EPHA6: variants seen among roughly 807,000 people sequenced by gnomAD.
EPHA6 encodes EPH receptor A6.
A neutral mutation model predicts 112.0 loss-of-function variants in EPHA6; 50 were observed. That is an observed-to-expected ratio of 0.45 (90% CI 0.36 to 0.56). The LOEUF is 0.56. EPHA6 is among the 20% of genes least tolerant of loss of function. The pLI is 0.00. For missense variants in EPHA6, 1,280 were observed against 1,417.4 expected, an observed-to-expected ratio of 0.90 and a Z score of 1.56; for synonymous variants, 529 against 490.7, an observed-to-expected ratio of 1.08 and a Z score of -1.03.
rs111414618 is a variant in EPHA6, at chr3:97,170,840, T to C, written c.1115-55424T>C. Among the ~76,000 whole-genome samples, 378 of 152,298 alleles carry C rather than the reference T, an allele frequency of 2.5e-3. 2 individuals are homozygous for C. The highest frequency in any genetic ancestry group is 8.3e-3 in the African/African-American group (346 of 41,582). ...TATACATATGCACTCTTCATATTGA[T>C]ACACTTTTTCTTTTTTGAGAATACA... On this transcript the variant is annotated intron_variant, in intron 3 of 17. Coordinates refer to ENST00000389672, the MANE Select transcript of EPHA6 (RefSeq NM_001080448.3).
At chr3:97,077,728 C>CT (rs1324633332) in intron 3 of EPHA6, among the ~76,000 whole-genome samples, 1 of 152,076 alleles carries the variant, frequency 6.6e-6, no homozygotes, top group African/African-American at 2.4e-5. Context: ...TGAACTCATC[C>CT]TTTTTTATGG....
chr3:97,292,033 G>A (rs990286385), intron 5 of EPHA6, among the ~76,000 whole-genome samples: 4 of 152,216 alleles, frequency 2.6e-5, no homozygotes, highest in Non-Finnish European at 4.4e-5. Flanking sequence ...CAGCCGCTGC[G>A]CACAGCCAGG....
At chr3:97,469,943 T>C (rs1276065007) in intron 7 of EPHA6, among the ~76,000 whole-genome samples, 1 of 151,640 alleles carries the variant, frequency 6.6e-6, no homozygotes, top group Non-Finnish European at 1.5e-5. Flanking sequence ...AACTTGACTC[T>C]GGACTTGGAG....
rs116253716 is a variant in EPHA6 at position 97,727,206 on chromosome 3, C to T, written c.2934+6796C>T. ...TGTTTTTGTTTTCATTTATTTTTCC[C>T]TCCTTGCTTTTCAAATGCTTTTAAA... On this transcript the variant is annotated intron_variant, in intron 15 of 17. Transcript: ENST00000389672. Among the ~76,000 whole-genome samples the T allele has an allele frequency of 6.3e-3, 958 of 152,062 alleles. 10 individuals carry two copies. The highest frequency in any genetic ancestry group is 0.022 in the African/African-American group (919 of 41,502).
At chr3:96,888,150 G>T (rs988763011) in intron 2 of EPHA6, among the ~76,000 whole-genome samples, 2 of 152,080 alleles carry the variant, frequency 1.3e-5, no homozygotes, top group Non-Finnish European at 2.9e-5. Context: ...TTCAGCTAGC[G>T]TTTTCCTTCT....
intron 15 of EPHA6, among the ~76,000 whole-genome samples, chr3:97,721,185 G>A (rs2034511285): frequency 6.6e-6 from 1 of 152,124 alleles, no homozygotes; most frequent in Non-Finnish European, 1.5e-5. Flanking sequence ...CCTATAATGT[G>A]ATTCTGAATG....
chr3:96,983,148 C>T (rs929152264), intron 2 of EPHA6, among the ~76,000 whole-genome samples: 20 of 152,132 alleles, frequency 1.3e-4, no homozygotes, highest in African/African-American at 4.1e-4. Flanking sequence ...TTCCTAGCCT[C>T]GATGGTCTTT....
intron 3 of EPHA6, among the ~76,000 whole-genome samples, chr3:97,104,803 C>T (rs763110761): frequency 1.3e-5 from 2 of 151,996 alleles, no homozygotes; most frequent in Non-Finnish European, 2.9e-5. Flanking sequence ...CTAATTATTA[C>T]GAATTCAGTT....
intron 17 of EPHA6, among the ~76,000 whole-genome samples, chr3:97,748,141 T>A (rs748780686): frequency 6.6e-6 from 1 of 152,108 alleles, no homozygotes; most frequent in Non-Finnish European, 1.5e-5. Context: ...TTTCTAGATA[T>A]CAAAAATCCA....
At chr3:97,562,728 T>C (rs1326353693) in intron 11 of EPHA6, among the ~76,000 whole-genome samples, 1 of 152,190 alleles carries the variant, frequency 6.6e-6, no homozygotes, top group East Asian at 1.9e-4. Flanking sequence ...TCAAACAGCA[T>C]TGATGGTTCA....
At chr3:97,522,647 A>G (rs1003488164) in intron 10 of EPHA6, among the ~76,000 whole-genome samples, 14 of 152,156 alleles carry the variant, frequency 9.2e-5, no homozygotes, top group Non-Finnish European at 1.6e-4. Context: ...ATGTTAGATA[A>G]AATTCTGCTG....
chr3:97,041,498 T>A (rs1042895228), intron 3 of EPHA6, among the ~76,000 whole-genome samples: 1 of 152,120 alleles, frequency 6.6e-6, no homozygotes, highest in Non-Finnish European at 1.5e-5. Context: ...TGAAAGGGTG[T>A]CCTTTCTATG....
chr3:97,144,860 T>C (rs1335856356), intron 3 of EPHA6, among the ~76,000 whole-genome samples: 5 of 151,540 alleles, frequency 3.3e-5, no homozygotes, highest in Admixed American at 1.3e-4. Context: ...ATCTTGTCTT[T>C]GGTTTTGTTT....
chr3:97,726,053 A>G (rs1458127120), intron 15 of EPHA6, among the ~76,000 whole-genome samples: 1 of 152,052 alleles, frequency 6.6e-6, no homozygotes, highest in Non-Finnish European at 1.5e-5. Flanking sequence ...AATAGCTTAC[A>G]TTTTCTGGTC....
chr3:97,459,884 T>C (rs1387575007), intron 7 of EPHA6, among the ~76,000 whole-genome samples: 1 of 152,234 alleles, frequency 6.6e-6, no homozygotes, highest in Admixed American at 6.5e-5. Flanking sequence ...TATGTCTCTC[T>C]GACAGTTCAT....
At chr3:97,403,321 T>G (rs769507296) in intron 5 of EPHA6, among the ~76,000 whole-genome samples, 10 of 152,244 alleles carry the variant, frequency 6.6e-5, no homozygotes, top group Non-Finnish European at 1.5e-4. Context: ...ATCCCATTGA[T>G]ATTTGTGTTA....
intron 2 of EPHA6, among the ~76,000 whole-genome samples, chr3:96,938,571 T>C (rs543096297): frequency 6.6e-6 from 1 of 152,318 alleles, no homozygotes; most frequent in African/African-American, 2.4e-5. Flanking sequence ...CAATTTGACT[T>C]CCTCTTTTCC....
intron 15 of EPHA6, among the ~76,000 whole-genome samples, chr3:97,735,175 GCTCA>G (rs2035200959): frequency 6.6e-6 from 1 of 151,960 alleles, no homozygotes; most frequent in South Asian, 2.1e-4. Flanking sequence ...TATTTCAAGT[GCTCA>G]CTAACCACAT....
intron 3 of EPHA6, among the ~76,000 whole-genome samples, chr3:97,078,495 T>G (rs1028897727): frequency 6.6e-6 from 1 of 152,050 alleles, no homozygotes; most frequent in Non-Finnish European, 1.5e-5. Flanking sequence ...ATGGTATTGC[T>G]TAGGTTTTCT....
Sources: allele counts gnomAD v4.1 joint callset (sites outside exome capture counted in the v4.1 genomes callset), GRCh38; gene constraint gnomAD v4.1.1; transcripts MANE v1.5; gene names NCBI Gene and HGNC (gene_info 2026-07-23, HGNC 2026-07-21).